PPP1R13B: variants seen among roughly 807,000 people sequenced by gnomAD.
PPP1R13B encodes the protein apoptosis-stimulating of p53 protein 1.
PPP1R13B carries 44 observed loss-of-function variants against 119.8 expected under a neutral mutation model. That is an observed-to-expected ratio of 0.37 (90% confidence interval 0.29 to 0.47). PPP1R13B has a LOEUF of 0.47. Among genes scored for constraint, PPP1R13B ranks in the 20% least tolerant of loss-of-function variants. The probability of loss-of-function intolerance (pLI) is 0.99; values close to 1 mark genes in which losing one functional copy is unlikely to be tolerated. For missense variants in PPP1R13B, 1,227 were observed against 1,413.5 expected (o/e 0.87, Z 2.12); for synonymous variants, 542 against 561.5 (o/e 0.97, Z 0.49).
At chr14:103,844,156 A>C (rs975897229) in intron 1 of PPP1R13B, among the ~76,000 whole-genome samples, 5 of 151,696 alleles carry the variant, frequency 3.3e-5, no homozygotes, top group Admixed American at 2.0e-4. Flanking sequence ...GGTCCCAGCT[A>C]CTCGGGAGGC....
intron 4 of PPP1R13B, among the ~76,000 whole-genome samples, chr14:103,775,187 C>T (rs1382030057): frequency 6.6e-6 from 1 of 152,094 alleles, no homozygotes; most frequent in Non-Finnish European, 1.5e-5. Flanking sequence ...CTTCAACACA[C>T]GGCCTACTCA....
chr14:103,828,113 T>G (rs2086591908), intron 1 of PPP1R13B, among the ~76,000 whole-genome samples: 1 of 152,052 alleles, frequency 6.6e-6, no homozygotes, highest in South Asian at 2.1e-4. Context: ...ATGCCTGTAA[T>G]CCCAGCACTG....
chr14:103,810,965 G>GC (rs1374642300), intron 1 of PPP1R13B, among the ~76,000 whole-genome samples: 1 of 150,952 alleles, frequency 6.6e-6, no homozygotes, highest in Non-Finnish European at 1.5e-5. Flanking sequence ...GGCAGTGCGT[G>GC]CCTGTAATTC....
At chr14:103,765,430 C>A (rs1463082557) in intron 4 of PPP1R13B, among the ~76,000 whole-genome samples, 1 of 152,162 alleles carries the variant, frequency 6.6e-6, no homozygotes, top group East Asian at 1.9e-4. Context: ...TGGCCTCTCT[C>A]CACCAAACTC....
chr14:103,754,058 G>T lies in PPP1R13B; in HGVS notation c.631+12C>A. 1 of 1,611,102 alleles carries T rather than the reference G, an allele frequency of 6.2e-7. No homozygotes were observed. Among genetic ancestry groups the T allele is most frequent in the Non-Finnish European group, 8.5e-7 (1 of 1,178,034 alleles). ...GTGAGAGTGGTGTCGAGGGGGTGTTGCAGGCACGTACACAGATTGCCGTTC... is the reference window on the plus strand; with the variant it reads ...GTGAGAGTGGTGTCGAGGGGGTGTTTCAGGCACGTACACAGATTGCCGTTC... On this transcript the variant is annotated intron_variant, in intron 6 of 16. Transcript: ENST00000202556.
At position 103,807,656 on chromosome 14, in the gene PPP1R13B, G is replaced by A. The variant is rs373896031; in HGVS notation, c.10-10138C>T. Among the ~76,000 whole-genome samples the A allele has an allele frequency of 2.1e-3, 321 of 151,984 alleles. 1 individual carries two copies. Among genetic ancestry groups the A allele is most frequent in the African/African-American group, 7.5e-3 (313 of 41,482 alleles). ...ACAAAAAGTGCCTGCCACCACGCCC[G>A]GCTAATTTTTTGTATTTTTAGAAGA... is the stretch of plus-strand genomic sequence containing the variant. On this transcript the variant is annotated intron_variant, in intron 1 of 16. Coordinates refer to ENST00000202556, the MANE Select transcript of PPP1R13B (RefSeq NM_015316.3).
At chr14:103,836,281 G>C (rs1190413972) in intron 1 of PPP1R13B, among the ~76,000 whole-genome samples, 1 of 147,146 alleles carries the variant, frequency 6.8e-6, no homozygotes, top group East Asian at 2.1e-4. Flanking sequence ...CCTGACCTCA[G>C]GTGATCCGCC....
intron 3 of PPP1R13B, among the ~76,000 whole-genome samples, chr14:103,781,090 A>C (rs1247420141): frequency 6.6e-6 from 1 of 152,138 alleles, no homozygotes; most frequent in Non-Finnish European, 1.5e-5. Context: ...GGCATGAGCC[A>C]CCATACTCAG....
chr14:103,796,975 A>C (rs2085773578), intron 2 of PPP1R13B, among the ~76,000 whole-genome samples: 1 of 151,562 alleles, frequency 6.6e-6, no homozygotes, highest in Non-Finnish European at 1.5e-5. Context: ...AAAAACAAAA[A>C]CAAAAACAGT....
chr14:103,838,757 C>T (rs1171000796), intron 1 of PPP1R13B, among the ~76,000 whole-genome samples: 3 of 152,172 alleles, frequency 2.0e-5, no homozygotes, highest in African/African-American at 7.2e-5. Context: ...TTTCACCGTA[C>T]TAATGCATCT....
intron 1 of PPP1R13B, among the ~76,000 whole-genome samples, chr14:103,822,632 T>C (rs1398923739): frequency 2.0e-5 from 3 of 151,788 alleles, no homozygotes; most frequent in Non-Finnish European, 4.4e-5. Flanking sequence ...GCCAACATGG[T>C]GAAACCCCAT....
intron 11 of PPP1R13B, among the ~76,000 whole-genome samples, chr14:103,741,316 C>T (rs1338234167): frequency 6.6e-6 from 1 of 152,222 alleles, no homozygotes; most frequent in African/African-American, 2.4e-5. Context: ...GCTCCATAAC[C>T]CAAACCAAGG....
chr14:103,759,555 C>T (rs992451274), intron 4 of PPP1R13B, among the ~76,000 whole-genome samples: 3 of 152,048 alleles, frequency 2.0e-5, no homozygotes, highest in African/African-American at 4.8e-5. Context: ...ATCCTCCCAC[C>T]TAGGCCTCCC....
At chr14:103,830,877 G>A (rs1434572981) in intron 1 of PPP1R13B, among the ~76,000 whole-genome samples, 22 of 150,652 alleles carry the variant, frequency 1.5e-4, no homozygotes, top group Non-Finnish European at 2.5e-4. Flanking sequence ...GAGAGACTTA[G>A]TATTAAAAAA....
intron 8 of PPP1R13B, chr14:103,746,873 C>G (rs959965995): frequency 5.2e-6 from 1 of 190,576 alleles, no homozygotes; most frequent in Non-Finnish European, 1.1e-5. Context: ...TGAGTGGGCA[C>G]AGAGACACTG....
Position 103,742,133 on chromosome 14 carries a change from G to A in PPP1R13B, c.1479C>T (p.Gly493=). 2 of 1,612,462 alleles carry A rather than the reference G, an allele frequency of 1.2e-6. No individual in the cohort carries two copies. The highest frequency in any genetic ancestry group is 1.7e-6 in the Non-Finnish European group (2 of 1,180,004). ...GGGTGGGCCTCTGTCGACTTGGCAG[G>A]CCTGCACTGGGCCTGGGCAAGCTGC... ...KEGSLPRPSA[G]LPSRQRPTLL... Residue 493 remains glycine, a synonymous_variant, in exon 11 of 17, where the codon GGC becomes GGT. Transcript: ENST00000202556. This position sits in a 1 kb window ranked among gnomAD's most constrained non-coding sequence, Gnocchi z 4.9.
intron 4 of PPP1R13B, among the ~76,000 whole-genome samples, chr14:103,777,786 C>T (rs1595758391): frequency 7.3e-6 from 1 of 137,928 alleles, no homozygotes; most frequent in African/African-American, 3.0e-5. Context: ...TCATTACTAC[C>T]GGTAAAAAGC....
Position 103,813,730 on chromosome 14 carries a change from T to C in PPP1R13B, c.10-16212A>G, listed in dbSNP as rs562477977. On this transcript the variant is annotated intron_variant, in intron 1 of 16. Transcript: ENST00000202556. Reference sequence around the variant, plus strand: ...AAGAGTAACATAGGGTGTTTTCTCCTGACATTTTGACACGTATAGATACGT... The same window carrying C: ...AAGAGTAACATAGGGTGTTTTCTCCCGACATTTTGACACGTATAGATACGT... Among the ~76,000 whole-genome samples the C allele has an allele frequency of 2.6e-5, 4 of 152,292 alleles. No individual in the cohort carries two copies. In the South Asian group the frequency reaches 8.3e-4, roughly 32 times the overall value.
chr14:103,797,239 C>A, intron 2 of PPP1R13B, 132 bp downstream of exon 2: 1 of 814,218 alleles, frequency 1.2e-6, no homozygotes, highest in Non-Finnish European at 1.9e-6. Context: ...TTGATAAATA[C>A]TAAATTATAT....
Sources: allele counts gnomAD v4.1 joint callset (sites outside exome capture counted in the v4.1 genomes callset), GRCh38; gene constraint gnomAD v4.1.1; non-coding constraint Gnocchi (gnomAD v3.1); transcripts MANE v1.5; gene names NCBI Gene and HGNC (gene_info 2026-07-23, HGNC 2026-07-21).